Variants in CNBD1 observed in about 807,000 individuals in gnomAD.
The protein encoded by CNBD1 is cyclic nucleotide-binding domain-containing protein 1.
Under a neutral mutation model 54.4 loss-of-function variants are expected in CNBD1, and 71 were observed. That is an observed-to-expected ratio of 1.30 (90% CI 1.08 to 1.59). The LOEUF (loss-of-function observed/expected upper bound fraction) is 1.59, where lower values mean the gene tolerates loss of function less well. Ranked by LOEUF, CNBD1 falls within the 40% of genes most tolerant of loss-of-function variation. The pLI, the probability that CNBD1 is intolerant of heterozygous loss-of-function variation, is 0.00. For synonymous variants in CNBD1, 182 were observed against 170.7 expected (o/e 1.07, Z -0.51); for missense variants, 659 against 518.0 (o/e 1.27, Z -2.64).
chr8:87,215,277 A>G (rs1814184807), intron 5 of CNBD1, among the ~76,000 whole-genome samples: 1 of 152,114 alleles, frequency 6.6e-6, no homozygotes, highest in East Asian at 1.9e-4. Flanking sequence ...AGAATAGGCC[A>G]ATTCATTTGG....
intron 6 of CNBD1, among the ~76,000 whole-genome samples, chr8:87,269,588 AT>A (rs1233108290): frequency 1.3e-5 from 2 of 152,036 alleles, no homozygotes; most frequent in South Asian, 4.1e-4. Flanking sequence ...GTCATCTATG[AT>A]TTCTTTCAGC....
At chr8:87,333,806 A>G (rs1414854599) in intron 8 of CNBD1, among the ~76,000 whole-genome samples, 2 of 152,150 alleles carry the variant, frequency 1.3e-5, no homozygotes, top group African/African-American at 4.8e-5. Flanking sequence ...AGTGTTTATC[A>G]GGGATATTGG....
rs561630338 is a variant in CNBD1, at chr8:87,425,330, T to G, written c.214-3216T>G. On this transcript the variant is annotated intron_variant, in intron 2 of 7. Transcript: ENST00000521593. Reference sequence around the variant, plus strand: ...CCTTCTTCTGTCAGCTCGTCAGTCATTCTCCGTCCAGCTTTGTTCCGTTGC... The same window carrying G: ...CCTTCTTCTGTCAGCTCGTCAGTCAGTCTCCGTCCAGCTTTGTTCCGTTGC... 4.6e-5 allele frequency among the ~76,000 whole-genome samples: 7 copies of G among 152,350 alleles called. No homozygotes were observed. The East Asian group carries it at 1.2e-3, about 25-fold the overall frequency.
At chr8:87,316,856 A>G (rs1429893589) in intron 8 of CNBD1, among the ~76,000 whole-genome samples, 2 of 151,850 alleles carry the variant, frequency 1.3e-5, no homozygotes, top group Non-Finnish European at 2.9e-5. Flanking sequence ...CTATTTATAT[A>G]CAAGTATTAA....
intron 4 of CNBD1, among the ~76,000 whole-genome samples, chr8:87,127,290 C>T (rs1812012290): frequency 6.6e-6 from 1 of 152,006 alleles, no homozygotes; most frequent in Non-Finnish European, 1.5e-5. Flanking sequence ...AACATACGAA[C>T]ACAATATAGC....
At chr8:87,352,442 T>C (rs13439776) in intron 9 of CNBD1, among the ~76,000 whole-genome samples, 1,601 of 137,824 alleles carry the variant, frequency 0.012, 38 homozygotes, top group African/African-American at 0.044. Flanking sequence ...ATTGTGCCAC[T>C]GCACTCCAGC....
intron 4 of CNBD1, among the ~76,000 whole-genome samples, chr8:87,005,485 A>G (rs2130551633): frequency 6.6e-6 from 1 of 152,150 alleles, no homozygotes; most frequent in East Asian, 1.9e-4. Flanking sequence ...GTCATGGTTG[A>G]TAGTGTATTG....
At chr8:87,210,260 G>A (rs987791926) in intron 5 of CNBD1, among the ~76,000 whole-genome samples, 2 of 152,208 alleles carry the variant, frequency 1.3e-5, no homozygotes, top group African/African-American at 4.8e-5. Flanking sequence ...TCTTTAAAGG[G>A]AAAGCAGAGC....
intron 4 of CNBD1, among the ~76,000 whole-genome samples, chr8:87,118,601 A>G (rs1157913699): frequency 6.6e-6 from 1 of 152,166 alleles, no homozygotes; most frequent in Non-Finnish European, 1.5e-5. Flanking sequence ...AATACAGTGA[A>G]CAGGACATGG....
chr8:87,270,672 G>T (rs555729956), intron 6 of CNBD1, among the ~76,000 whole-genome samples: 3 of 151,712 alleles, frequency 2.0e-5, no homozygotes, highest in African/African-American at 7.2e-5. Context: ...AGGAATATTG[G>T]CCTGTAGTTT....
intron 4 of CNBD1, among the ~76,000 whole-genome samples, chr8:87,043,864 A>T (rs1478433956): frequency 6.6e-6 from 1 of 152,184 alleles, no homozygotes; most frequent in Non-Finnish European, 1.5e-5. Flanking sequence ...TTGCTATTTC[A>T]TCCCTGCCCT....
chr8:87,022,663 T>C (rs1198076554), intron 4 of CNBD1, among the ~76,000 whole-genome samples: 4 of 152,214 alleles, frequency 2.6e-5, no homozygotes, highest in Admixed American at 2.6e-4. Flanking sequence ...ATTTATACTT[T>C]AGCTTTTCTG....
At chr8:87,373,782 G>A (rs1810868569) in intron 10 of CNBD1, among the ~76,000 whole-genome samples, 1 of 151,722 alleles carries the variant, frequency 6.6e-6, no homozygotes, top group South Asian at 2.1e-4. Context: ...GTATTTTTAG[G>A]ATAAGTTTAT....
intron 8 of CNBD1, among the ~76,000 whole-genome samples, chr8:87,327,378 C>A (rs1022806136): frequency 4.6e-5 from 7 of 151,728 alleles, no homozygotes; most frequent in Non-Finnish European, 1.0e-4. Flanking sequence ...CAAGCCTGGG[C>A]AATGGTGGGC....
rs555072323 is a variant in CNBD1, at chr8:87,402,066, C to T, written c.214-26480C>T. On this transcript the variant is annotated intron_variant, in intron 2 of 7. Coordinates refer to the CNBD1 transcript ENST00000521593. ...TACAGTTCTACATATCCAGGGAGAC[C>T]TCACAATCATGGTGGAAGGTGAAGG... is the stretch of plus-strand genomic sequence containing the variant. 7.2e-5 allele frequency among the ~76,000 whole-genome samples: 11 copies of T among 152,024 alleles called. No homozygotes were observed. The South Asian group carries it at 2.3e-3, about 32-fold the overall frequency.
At chr8:87,347,566 G>A (rs554342738) in intron 8 of CNBD1, among the ~76,000 whole-genome samples, 1 of 151,772 alleles carries the variant, frequency 6.6e-6, no homozygotes, top group East Asian at 1.9e-4. Flanking sequence ...TAGCAACAGA[G>A]AAGGATGAAA....
At chr8:87,034,715 T>A (rs927227557) in intron 4 of CNBD1, among the ~76,000 whole-genome samples, 3 of 152,182 alleles carry the variant, frequency 2.0e-5, no homozygotes, top group African/African-American at 7.2e-5. Context: ...TTTCTTAAAT[T>A]TTTTTATGTT....
At chr8:87,397,936 G>A (rs905803472) in intron 2 of CNBD1, among the ~76,000 whole-genome samples, 32 of 152,064 alleles carry the variant, frequency 2.1e-4, no homozygotes, top group Non-Finnish European at 2.4e-4. Flanking sequence ...TGCCATTCAC[G>A]TAAGATGTGA....
At chr8:87,066,468 C>T (rs762088608) in intron 4 of CNBD1, among the ~76,000 whole-genome samples, 3 of 151,898 alleles carry the variant, frequency 2.0e-5, no homozygotes, top group Non-Finnish European at 4.4e-5. Flanking sequence ...ATAGCCAACC[C>T]CTTTTTAAAT....
Sources: gnomAD v4.1 joint callset for allele counts (sites outside exome capture counted in the v4.1 genomes callset) on GRCh38, gnomAD v4.1.1 for gene constraint, MANE v1.5 for transcripts, NCBI Gene and HGNC (gene_info 2026-07-23, HGNC 2026-07-21) for gene names.